The following DPYSL2 variants were observed in gnomAD, a reference collection of about 807,000 sequenced individuals.
DPYSL2 encodes dihydropyrimidinase like 2.
Under a neutral mutation model 69.9 loss-of-function variants are expected in DPYSL2, and 13 were observed. The ratio of observed to expected loss-of-function variants is 0.19; its 90% CI spans 0.12 to 0.30. DPYSL2 has a LOEUF of 0.30. Ranked by LOEUF, DPYSL2 falls within the 10% of genes least tolerant of loss-of-function variation. DPYSL2 has a pLI of 1.00. For synonymous variants in DPYSL2, 326 were observed against 359.1 expected, an observed-to-expected ratio of 0.91 and a Z score of 1.04; for missense variants, 587 against 918.9, an observed-to-expected ratio of 0.64 and a Z score of 4.67.
intron 1 of DPYSL2, among the ~76,000 whole-genome samples, chr8:26,534,781 G>A (rs188887683): frequency 2.6e-5 from 4 of 151,426 alleles, no homozygotes; most frequent in Non-Finnish European, 4.4e-5. Context: ...TACAGGCATC[G>A]GCCACCATGC....
intron 3 of DPYSL2, among the ~76,000 whole-genome samples, chr8:26,606,654 A>G (rs1165653718): frequency 6.6e-6 from 1 of 152,236 alleles, no homozygotes. Context: ...AATGAGTAAT[A>G]AAAGAAATAC....
chr8:26,593,940 A>G lies in DPYSL2; in HGVS notation c.628+9957A>G, dbSNP rs1801800410. Among the ~76,000 whole-genome samples the G allele has an allele frequency of 6.6e-6, 1 of 152,174 alleles. No individual in the cohort carries two copies. Among genetic ancestry groups the G allele is most frequent in the African/African-American group, 2.4e-5 (1 of 41,444 alleles). Reference sequence around the variant, plus strand: ...AGACAAAAATCAAAAGGGCCTGATAATAACATAGAATCATGGACTCTTAAG... The same window carrying G: ...AGACAAAAATCAAAAGGGCCTGATAGTAACATAGAATCATGGACTCTTAAG... On this transcript the variant is annotated intron_variant, in intron 3 of 13. Transcript: ENST00000521913. This position sits in a 1 kb window ranked among gnomAD's most constrained non-coding sequence, Gnocchi z 5.7.
At chr8:26,646,802 C>T (rs1278787540) in intron 10 of DPYSL2, among the ~76,000 whole-genome samples, 1 of 151,786 alleles carries the variant, frequency 6.6e-6, no homozygotes, top group Non-Finnish European at 1.5e-5. Context: ...CCCAGCTGGG[C>T]AACATAGTGA....
intron 3 of DPYSL2, among the ~76,000 whole-genome samples, chr8:26,618,340 T>A: frequency 6.8e-6 from 1 of 147,560 alleles, no homozygotes; most frequent in African/African-American, 2.5e-5. Flanking sequence ...TAATAGACAG[T>A]CTTTATCTGT....
intron 1 of DPYSL2, among the ~76,000 whole-genome samples, chr8:26,573,428 G>A (rs1199681543): frequency 6.6e-6 from 1 of 152,142 alleles, no homozygotes; most frequent in Non-Finnish European, 1.5e-5. Flanking sequence ...CAGCACTTTG[G>A]GGGGCTGAGG....
At chr8:26,589,823 G>A (rs952370831) in intron 3 of DPYSL2, among the ~76,000 whole-genome samples, 1 of 152,248 alleles carries the variant, frequency 6.6e-6, no homozygotes, top group South Asian at 2.1e-4. Context: ...CAAGTACAGA[G>A]GGTCACAACA....
Position 26,643,417 on chromosome 8 carries a change from C to T in DPYSL2, c.1127-22C>T, listed in dbSNP as rs778021084. On this transcript the variant is annotated intron_variant, in intron 8 of 13. Coordinates refer to ENST00000521913, the MANE Select transcript of DPYSL2 (RefSeq NM_001197293.3). The surrounding 1 kb of genome is among the most constrained non-coding windows in gnomAD (Gnocchi z 6.5). ...TCCCCCTGCATTGTGTTGGACTGAACCTTGTGTGTTCTGTTTGTCAGGAAC... is the reference window on the plus strand; with the variant it reads ...TCCCCCTGCATTGTGTTGGACTGAATCTTGTGTGTTCTGTTTGTCAGGAAC... 2.4e-5 allele frequency: 37 copies of T among 1,567,378 alleles called. No homozygotes were observed. The South Asian group carries it at 4.3e-4, about 18-fold the overall frequency.
Position 26,591,019 on chromosome 8 carries a change from G to T in DPYSL2, c.628+7036G>T, listed in dbSNP as rs1801713681. Among the ~76,000 whole-genome samples the T allele has an allele frequency of 6.6e-6, 1 of 152,214 alleles. No individual in the cohort carries two copies. Among genetic ancestry groups the T allele is most frequent in the African/African-American group, 2.4e-5 (1 of 41,456 alleles). Reference sequence around the variant, plus strand: ...GTGGCAGTTATCATACTGTCCCAGGGTTTCTTGCCCCCACCTGGCCCTGGG... The same window carrying T: ...GTGGCAGTTATCATACTGTCCCAGGTTTTCTTGCCCCCACCTGGCCCTGGG... On this transcript the variant is annotated intron_variant, in intron 3 of 13. Transcript: ENST00000521913. The surrounding 1 kb of genome is among the most constrained non-coding windows in gnomAD (Gnocchi z 5.8).
At position 26,597,122 on chromosome 8, in the gene DPYSL2, C is replaced by T. The variant is rs138803254; in HGVS notation, c.628+13139C>T. 3.4e-3 allele frequency among the ~76,000 whole-genome samples: 522 copies of T among 152,308 alleles called. 2 individuals carry two copies. Among genetic ancestry groups the T allele is most frequent in the African/African-American group, 0.011 (468 of 41,564 alleles). ...CCAGCATGGAAGATGCTCACCAAGA[C>T]GGTGGTATATTGGGTGTCTCTTCTC... On this transcript the variant is annotated intron_variant, in intron 3 of 13. Coordinates refer to ENST00000521913, the MANE Select transcript of DPYSL2 (RefSeq NM_001197293.3). This position sits in a 1 kb window ranked among gnomAD's most constrained non-coding sequence, Gnocchi z 5.2.
rs375313760 is a variant in DPYSL2, at chr8:26,642,540, T to G, written c.1127-899T>G. On this transcript the variant is annotated intron_variant, in intron 8 of 13. Coordinates refer to ENST00000521913, the MANE Select transcript of DPYSL2 (RefSeq NM_001197293.3). The surrounding 1 kb of genome is among the most constrained non-coding windows in gnomAD (Gnocchi z 5.3). ...GGAAGCGGGGTTGGGAGAGCAAACG[T>G]AAATCTAAGGTCCAATTGGGAGGCT... Among the ~76,000 whole-genome samples the G allele has an allele frequency of 2.0e-5, 3 of 152,274 alleles. No individual in the cohort carries two copies. The East Asian group carries it at 5.8e-4, about 29-fold the overall frequency.
At chr8:26,631,970 G>A (rs975891781) in intron 7 of DPYSL2, among the ~76,000 whole-genome samples, 7 of 152,340 alleles carry the variant, frequency 4.6e-5, no homozygotes, top group African/African-American at 1.7e-4. Context: ...TCTACTTGGG[G>A]AGGTGCTGCT....
chr8:26,587,843 A>G lies in DPYSL2; in HGVS notation c.628+3860A>G, dbSNP rs1801639418. 6.6e-6 allele frequency among the ~76,000 whole-genome samples: 1 copy of G among 152,148 alleles called. No individual in the cohort carries two copies. Among genetic ancestry groups the G allele is most frequent in the Non-Finnish European group, 1.5e-5 (1 of 68,032 alleles). On this transcript the variant is annotated intron_variant, in intron 3 of 13. Transcript: ENST00000521913. The surrounding 1 kb of genome is among the most constrained non-coding windows in gnomAD (Gnocchi z 4.2). ...CATGGTCATTTGAGTTCAGGATCTC[A>G]GAGTTTCTAGGAAGCAGCTGGGAAC...
intron 7 of DPYSL2, among the ~76,000 whole-genome samples, chr8:26,629,255 G>T (rs1802683798): frequency 6.6e-6 from 1 of 151,924 alleles, no homozygotes; most frequent in African/African-American, 2.4e-5. Flanking sequence ...CATACACATA[G>T]TAACACACAC....
At chr8:26,608,580 C>T (rs1326575255) in intron 3 of DPYSL2, among the ~76,000 whole-genome samples, 1 of 152,152 alleles carries the variant, frequency 6.6e-6, no homozygotes, top group Non-Finnish European at 1.5e-5. Flanking sequence ...TCCCAGCTGT[C>T]CACACAGTTA....
intron 7 of DPYSL2, among the ~76,000 whole-genome samples, chr8:26,630,921 C>T (rs1802757128): frequency 6.6e-6 from 1 of 152,190 alleles, no homozygotes; most frequent in African/African-American, 2.4e-5. Context: ...TGACTGGGAG[C>T]CAGTCCCTCT....
chr8:26,546,342 A>G (rs1011529649), intron 1 of DPYSL2, among the ~76,000 whole-genome samples: 2 of 152,182 alleles, frequency 1.3e-5, no homozygotes, highest in East Asian at 1.9e-4. Flanking sequence ...TTAACCTTGT[A>G]TCTTGCAACT....
intron 3 of DPYSL2, among the ~76,000 whole-genome samples, chr8:26,592,776 C>A (rs914479081): frequency 6.6e-6 from 1 of 152,106 alleles, no homozygotes; most frequent in East Asian, 1.9e-4. Flanking sequence ...TGTGCCCGGC[C>A]GGTACATTAG....
chr8:26,556,414 G>A (rs1800988254), intron 1 of DPYSL2, among the ~76,000 whole-genome samples: 1 of 112,320 alleles, frequency 8.9e-6, no homozygotes, highest in African/African-American at 3.3e-5. Flanking sequence ...ATTTTTATAT[G>A]TAATTGTCTA....
chr8:26,622,219 A>C (rs534327615), intron 3 of DPYSL2, among the ~76,000 whole-genome samples: 1 of 147,416 alleles, frequency 6.8e-6, no homozygotes, highest in Non-Finnish European at 1.5e-5. Flanking sequence ...ATGAGGGGAC[A>C]TACAACTTAA....
Sources: gnomAD v4.1 joint callset for allele counts (sites outside exome capture counted in the v4.1 genomes callset) on GRCh38, gnomAD v4.1.1 for gene constraint, Gnocchi (gnomAD v3.1) non-coding constraint, MANE v1.5 for transcripts, NCBI Gene and HGNC (gene_info 2026-07-23, HGNC 2026-07-21) for gene names.